Variants in TNIP3 observed in about 807,000 individuals in gnomAD.
TNIP3 encodes TNFAIP3 interacting protein 3.
A neutral mutation model predicts 54.1 loss-of-function variants in TNIP3; 34 were observed. That is an observed-to-expected ratio of 0.63 (90% confidence interval 0.48 to 0.84). TNIP3 has a LOEUF of 0.84. TNIP3 is among the 40% of genes least tolerant of loss of function. TNIP3 has a pLI of 0.00. For missense variants in TNIP3, 366 were observed against 387.6 expected, an observed-to-expected ratio of 0.94 and a Z score of 0.47; for synonymous variants, 134 against 136.8, an observed-to-expected ratio of 0.98 and a Z score of 0.14.
At chr4:121,165,432 C>A (rs1560661829), upstream of TNIP3, among the ~76,000 whole-genome samples, 2 of 152,152 alleles carry the variant, frequency 1.3e-5, no homozygotes, top group South Asian at 2.1e-4. Context: ...TAAGTCAATG[C>A]CTCTCTTTCC....
chr4:121,144,934 C>A (rs1560640725), intron 7 of TNIP3, among the ~76,000 whole-genome samples: 1 of 152,100 alleles, frequency 6.6e-6, no homozygotes, highest in Non-Finnish European at 1.5e-5. Context: ...AGGTTACCAC[C>A]AATGGAATAT....
chr4:121,186,696 T>C (rs564001898), intron 2 of TNIP3, among the ~76,000 whole-genome samples: 2 of 152,304 alleles, frequency 1.3e-5, no homozygotes, highest in South Asian at 4.1e-4. Context: ...ACTATTGTTA[T>C]TATTCTGAGG....
At chr4:121,160,571 G>C (rs1429220991) in intron 2 of TNIP3, among the ~76,000 whole-genome samples, 1 of 151,958 alleles carries the variant, frequency 6.6e-6, no homozygotes, top group Non-Finnish European at 1.5e-5. Context: ...AGAGTAAAGA[G>C]GTTCTAACAT....
At chr4:121,201,087 G>T (rs573281174) in intron 2 of TNIP3, among the ~76,000 whole-genome samples, 32 of 152,156 alleles carry the variant, frequency 2.1e-4, no homozygotes, top group Non-Finnish European at 4.1e-4. Flanking sequence ...ATTAATTTAT[G>T]AATGGACTCT....
chr4:121,185,847 CA>C (rs1308235362), intron 2 of TNIP3, among the ~76,000 whole-genome samples: 1 of 152,202 alleles, frequency 6.6e-6, no homozygotes, highest in Non-Finnish European at 1.5e-5. Flanking sequence ...TGATATTAAA[CA>C]ACAATTGAGT....
chr4:121,171,752 A>G (rs1723962813), intron 3 of TNIP3, among the ~76,000 whole-genome samples: 1 of 152,082 alleles, frequency 6.6e-6, no homozygotes, highest in Non-Finnish European at 1.5e-5. Context: ...TGTTTTTGAG[A>G]TGGAGTCTCA....
At chr4:121,226,009 G>A (rs180775714) in intron 1 of TNIP3, among the ~76,000 whole-genome samples, 4 of 152,020 alleles carry the variant, frequency 2.6e-5, no homozygotes, top group African/African-American at 9.6e-5. Flanking sequence ...TTAAAATTGG[G>A]AAATTGTATA....
chr4:121,153,660 T>C (rs1383689626), intron 5 of TNIP3, among the ~76,000 whole-genome samples: 1 of 152,198 alleles, frequency 6.6e-6, no homozygotes, highest in Non-Finnish European at 1.5e-5. Flanking sequence ...TTGCAAAGCA[T>C]CCTATCAACT....
At chr4:121,209,483 G>A (rs1454965305) in intron 2 of TNIP3, among the ~76,000 whole-genome samples, 1 of 152,046 alleles carries the variant, frequency 6.6e-6, no homozygotes, top group Non-Finnish European at 1.5e-5. Flanking sequence ...AGAGTTGTGG[G>A]AAAAAAACTA....
intron 2 of TNIP3, among the ~76,000 whole-genome samples, chr4:121,210,440 C>A (rs1044990757): frequency 5.9e-5 from 9 of 152,164 alleles, no homozygotes; most frequent in Non-Finnish European, 1.2e-4. Context: ...AGCCAAACTC[C>A]TTCACACAGC....
chr4:121,218,793 C>T (rs139488535), upstream of TNIP3, among the ~76,000 whole-genome samples: 9 of 137,724 alleles, frequency 6.5e-5, no homozygotes, highest in African/African-American at 2.9e-4. Flanking sequence ...GACTCCTGGG[C>T]TCAAGCAATT....
chr4:121,147,789 T>C (rs1422854283), intron 6 of TNIP3, among the ~76,000 whole-genome samples: 2 of 152,212 alleles, frequency 1.3e-5, no homozygotes, highest in African/African-American at 4.8e-5. Context: ...CTACTTATAT[T>C]GGAACCTATA....
chr4:121,150,155 A>T lies in TNIP3; in HGVS notation c.557T>A (p.Val186Glu), dbSNP rs759709257. Residue 186 changes from valine (V) to glutamate (E), a missense_variant, in exon 6 of 11, where the codon GTG becomes GAG. Physicochemically the swap from Val to Glu is moderately radical, Grantham distance 121. Coordinates refer to ENST00000057513, the MANE Select transcript of TNIP3 (RefSeq NM_024873.6). The stretch of plus-strand genomic sequence containing the variant: ...TCTCATCTCCTCATGGCAGAATTCC[A>T]CTCGAGACTTCCTCAAACAGTCCTC... ...FSEDCLRKSR[V>E]EFCHEEMRTE... 1 of 1,613,740 alleles carries T rather than the reference A, an allele frequency of 6.2e-7. No homozygotes were observed. Among genetic ancestry groups the T allele is most frequent in the Non-Finnish European group, 8.5e-7 (1 of 1,179,910 alleles).
intron 3 of TNIP3, 102 bp from the exon 4 acceptor site, chr4:121,157,345 C>T (rs938053863): frequency 6.8e-7 from 1 of 1,460,178 alleles, no homozygotes; most frequent in African/African-American, 1.4e-5. Context: ...CGCCCCACCC[C>T]AGGACGTCCC....
intron 2 of TNIP3, among the ~76,000 whole-genome samples, chr4:121,191,709 A>G (rs10454795): frequency 0.24 from 36,105 of 152,094 alleles, 4,517 homozygotes; most frequent in African/African-American, 0.29. Flanking sequence ...AATTTTCCCT[A>G]GTATCTCATT....
intron 2 of TNIP3, among the ~76,000 whole-genome samples, chr4:121,209,901 C>T (rs1211211109): frequency 6.6e-6 from 1 of 152,118 alleles, no homozygotes; most frequent in Non-Finnish European, 1.5e-5. Flanking sequence ...TAGTTGGTGG[C>T]ACATTTTTCT....
upstream of TNIP3, among the ~76,000 whole-genome samples, chr4:121,167,217 G>T (rs1405311608): frequency 6.6e-6 from 1 of 152,072 alleles, no homozygotes; most frequent in Non-Finnish European, 1.5e-5. Flanking sequence ...CCCTGCTTAT[G>T]ATGAAATGTA....
At chr4:121,142,627 T>C in intron 8 of TNIP3, 99 bp downstream of exon 8, 4 of 1,087,334 alleles carry the variant, frequency 3.7e-6, no homozygotes, top group Non-Finnish European at 4.1e-6. Flanking sequence ...TGGGTTGTTG[T>C]AGGTCACCTG....
chr4:121,159,768 A>C (rs946948417), intron 2 of TNIP3, among the ~76,000 whole-genome samples: 1 of 152,254 alleles, frequency 6.6e-6, no homozygotes, highest in Admixed American at 6.5e-5. Flanking sequence ...AGAAGGCAGA[A>C]GAAGTGCTAT....
Sources: gnomAD v4.1 joint callset for allele counts (sites outside exome capture counted in the v4.1 genomes callset) on GRCh38, gnomAD v4.1.1 for gene constraint, MANE v1.5 for transcripts, NCBI Gene and HGNC (gene_info 2026-07-23, HGNC 2026-07-21) for gene names.